RS1: variants seen among roughly 807,000 people sequenced by gnomAD.
RS1 encodes retinoschisin.
RS1 carries 2 observed loss-of-function variants against 20.8 expected under a neutral mutation model. That is an observed-to-expected ratio of 0.10 (90% CI 0.04 to 0.30). The LOEUF is 0.30. RS1 is among the 10% of genes least tolerant of loss of function. The pLI is 1.00. For missense variants in RS1, 151 were observed against 189.8 expected (o/e 0.80, Z 1.20); for synonymous variants, 70 against 75.8 (o/e 0.92, Z 0.40).
intron 4 of RS1, chrX:18,646,152 C>CT (rs971139221): frequency 6.1e-4 from 690 of 1,124,087 alleles, no homozygotes; most frequent in East Asian, 1.1e-3. Context: ...CTGAATGAAA[C>CT]TTTTTTTTTT....
At chrX:18,656,834 A>G (rs1928224969) in intron 2 of RS1, 76 bp from the exon 3 acceptor site, 3 of 815,551 alleles carry the variant, frequency 3.7e-6, no homozygotes, top group Middle Eastern at 3.1e-4. Context: ...GAGTGATCAC[A>G]CTCAGTCCTT....
rs1339023211 is a variant in RS1 at position 18,670,546 on chromosome X, C to G, written c.52+1471G>C. ...CCCGCCGTCATACACAATGTTTGCC[C>G]CCTAGCAGATAGTCAGGGATGAGCT... On this transcript the variant is annotated intron_variant, in intron 1 of 5. Transcript: ENST00000379984. 2.7e-5 allele frequency among the ~76,000 whole-genome samples: 3 copies of G among 110,804 alleles called. No homozygotes were observed. In the Admixed American group the frequency reaches 2.9e-4, roughly 11 times the overall value.
At position 18,643,638 on chromosome X, in the gene RS1, C is replaced by A. The variant is rs1275406381; in HGVS notation, c.522+792G>T. Among the ~76,000 whole-genome samples the A allele has an allele frequency of 4.5e-5, 5 of 111,790 alleles. No individual in the cohort carries two copies. In the Admixed American group the frequency reaches 4.7e-4, roughly 11 times the overall value. On this transcript the variant is annotated intron_variant, in intron 5 of 5. Transcript: ENST00000379984. ...CCTCTTGTGTTCAAACTCCTTGGAA[C>A]AACCCATGAACGTCTTGGCCGTACA...
At position 18,653,967 on chromosome X, in the gene RS1, C is replaced by CA. The variant is rs745365483; in HGVS notation, c.184+2685dup. On this transcript the variant is annotated intron_variant, in intron 3 of 5. Coordinates refer to ENST00000379984, the MANE Select transcript of RS1 (RefSeq NM_000330.4). ...TGGGAGACAGAGTGAGATTCCGTCTCAAAAAAAAAATAAAAAAATAAAAAA... is the reference window on the plus strand; with the variant it reads ...TGGGAGACAGAGTGAGATTCCGTCTCAAAAAAAAAAATAAAAAAATAAAAAA... Among the ~76,000 whole-genome samples, 396 of 97,217 alleles carry CA rather than the reference C, an allele frequency of 4.1e-3. 2 individuals carry two copies. Among genetic ancestry groups the CA allele is most frequent in the Middle Eastern group, 0.026 (5 of 189 alleles). 84.4% of individuals were successfully genotyped at this position (97,217 alleles called of 115,157 possible). A position where few individuals can be genotyped will look rare whatever the true frequency, so the allele number is the denominator to read the frequency against.
chrX:18,647,141 C>T, intron 4 of RS1, 50 bp downstream of exon 4: 2 of 1,194,073 alleles, frequency 1.7e-6, no homozygotes, highest in Non-Finnish European at 2.3e-6. Context: ...GGTAGAGAGG[C>T]CTATTTTTTT....
chrX:18,663,598 G>A (rs1448564344), intron 1 of RS1, among the ~76,000 whole-genome samples: 1 of 111,043 alleles, frequency 9.0e-6, no homozygotes, highest in African/African-American at 3.3e-5. Flanking sequence ...CTCTGGCCTT[G>A]GCCTCCTGAA....
chrX:18,670,138 C>T (rs1181038780), intron 1 of RS1, among the ~76,000 whole-genome samples: 2 of 110,498 alleles, frequency 1.8e-5, no homozygotes, highest in East Asian at 2.8e-4. Flanking sequence ...AGGACTTCTT[C>T]GCATCGCGGG....
At chrX:18,643,365 A>G (rs969061228) in intron 5 of RS1, among the ~76,000 whole-genome samples, 2 of 110,810 alleles carry the variant, frequency 1.8e-5, no homozygotes, top group South Asian at 3.9e-4. Context: ...CCGCAGTGGC[A>G]CCGCCCCACA....
At chrX:18,651,693 C>CTG (rs1362778547) in intron 3 of RS1, among the ~76,000 whole-genome samples, 1 of 111,737 alleles carries the variant, frequency 8.9e-6, no homozygotes, top group African/African-American at 3.3e-5. Context: ...TTCAAAAATC[C>CTG]TGTCTGCACA....
intron 1 of RS1, among the ~76,000 whole-genome samples, chrX:18,667,478 G>A (rs1311291937): frequency 1.9e-5 from 2 of 107,984 alleles, no homozygotes; most frequent in Non-Finnish European, 3.8e-5. Context: ...CCAGGCGGGC[G>A]GAAGGTTGCA....
intron 1 of RS1, among the ~76,000 whole-genome samples, chrX:18,662,613 C>T (rs1412486016): frequency 9.1e-6 from 1 of 109,741 alleles, no homozygotes; most frequent in Non-Finnish European, 1.9e-5. Context: ...CATCCATGTC[C>T]CTACATGAAC....
intron 3 of RS1, among the ~76,000 whole-genome samples, chrX:18,652,889 A>G (rs1400616092): frequency 8.9e-6 from 1 of 112,605 alleles, no homozygotes; most frequent in Admixed American, 9.4e-5. Flanking sequence ...TTACCAGCCC[A>G]AGGCTGTGTA....
At chrX:18,664,997 C>T (rs1286097341) in intron 1 of RS1, among the ~76,000 whole-genome samples, 2 of 112,417 alleles carry the variant, frequency 1.8e-5, no homozygotes, top group Admixed American at 1.9e-4. Context: ...AGATTACAGG[C>T]GTGAGCCCCT....
intron 3 of RS1, chrX:18,650,017 G>C (rs567398621): frequency 3.9e-6 from 1 of 255,999 alleles, no homozygotes; most frequent in Non-Finnish European, 7.2e-6. Flanking sequence ...AGCTCTGAGA[G>C]AGTAGGCAGA....
In RS1 at chrX:18,647,404, AAAAC is replaced by A. The variant is rs754008934; in HGVS notation, c.185-76_185-73del. 57 of 1,109,289 alleles carry A rather than the reference AAAAC, an allele frequency of 5.1e-5. 1 individual carries two copies. The East Asian group carries it at 1.6e-3, about 32-fold the overall frequency. The allele number at this position is 1,109,289 out of a possible 1,213,427, so 91.4% of individuals were successfully genotyped here. On this transcript the variant is annotated intron_variant, in intron 3 of 5. Transcript: ENST00000379984. ...ACAAGCACCAGGTGACTGAAATAAC[AAAAC>A]AAACCCATCTGCTTTGCGCTTCGGA...
Position 18,642,104 on chromosome X carries a change from G to A in RS1, c.575C>T (p.Pro192Leu), listed in dbSNP as rs61753175. 8.3e-7 allele frequency: 1 copy of A among 1,211,421 alleles called. No individual in the cohort carries two copies. Among genetic ancestry groups the A allele is most frequent in the Non-Finnish European group, 1.1e-6 (1 of 895,220 alleles). Residue 192 changes from proline to leucine, a missense_variant, in exon 6 of 6, where the codon CCC (proline) becomes CTC (leucine). Pro to Leu is a moderately conservative substitution (Grantham distance 98). Coordinates refer to ENST00000379984, the MANE Select transcript of RS1 (RefSeq NM_000330.4). ...GCGGATGAAGCGGGAGATGATGGGG[G>A]GCCGCAGCAGGTTCTGAACCGTGGA... The part of the protein sequence containing the change: ...RTSTVQNLLR[P>L]PIISRFIRLI...
intron 3 of RS1, chrX:18,653,285 G>A: frequency 9.1e-7 from 1 of 1,097,115 alleles, no homozygotes; most frequent in South Asian, 2.1e-5. Context: ...AGAGCTTTTA[G>A]TATTTTTAAT....
At chrX:18,664,538 T>G (rs970728961) in intron 1 of RS1, among the ~76,000 whole-genome samples, 1 of 110,130 alleles carries the variant, frequency 9.1e-6, no homozygotes, top group Non-Finnish European at 1.9e-5. Context: ...TGAGGCGGGA[T>G]AATCACTTGA....
At chrX:18,658,116 G>T (rs1047858569) in intron 1 of RS1, among the ~76,000 whole-genome samples, 2 of 111,487 alleles carry the variant, frequency 1.8e-5, no homozygotes, top group African/African-American at 6.5e-5. Context: ...GTTGCAGTGA[G>T]CCAAGATCGC....
Sources: allele counts gnomAD v4.1 joint callset (sites outside exome capture counted in the v4.1 genomes callset), GRCh38; gene constraint gnomAD v4.1.1; transcripts MANE v1.5; gene names NCBI Gene and HGNC (gene_info 2026-07-23, HGNC 2026-07-21).